The following EHMT1 variants were observed in gnomAD, a reference collection of about 807,000 sequenced individuals.
The protein encoded by EHMT1 is histone-lysine N-methyltransferase EHMT1.
A neutral mutation model predicts 147.2 loss-of-function variants in EHMT1; 15 were observed. The ratio of observed to expected loss-of-function variants is 0.10; its 90% confidence interval spans 0.07 to 0.16. The LOEUF is 0.16. EHMT1 is among the 10% of genes least tolerant of loss of function. The probability of loss-of-function intolerance (pLI) is 1.00; values close to 1 mark genes in which losing one functional copy is unlikely to be tolerated. For missense variants in EHMT1, 1,587 were observed against 1,772.4 expected (o/e 0.90, Z 1.88); for synonymous variants, 795 against 709.6 (o/e 1.12, Z -1.91).
intron 1 of EHMT1, among the ~76,000 whole-genome samples, chr9:137,687,956 C>T (rs943654633): frequency 3.9e-5 from 6 of 152,216 alleles, no homozygotes; most frequent in African/African-American, 1.4e-4. Context: ...TTTCTTTCAA[C>T]TATGTTTTGT....
chr9:137,652,328 C>A, intron 1 of EHMT1, among the ~76,000 whole-genome samples: 1 of 152,188 alleles, frequency 6.6e-6, no homozygotes, highest in African/African-American at 2.4e-5. Flanking sequence ...CATCCTCCTG[C>A]CTTGGCCTCC....
At chr9:137,664,068 A>C (rs1308635055) in intron 1 of EHMT1, among the ~76,000 whole-genome samples, 1 of 152,066 alleles carries the variant, frequency 6.6e-6, no homozygotes, top group Non-Finnish European at 1.5e-5. Flanking sequence ...ACCAAGAGGT[A>C]TGTACTTTTT....
At chr9:137,761,800 T>A (rs1949844469) in intron 9 of EHMT1, among the ~76,000 whole-genome samples, 1 of 152,226 alleles carries the variant, frequency 6.6e-6, no homozygotes, top group Admixed American at 6.5e-5. Flanking sequence ...AGTGAGTATT[T>A]GAGACAATGA....
intron 1 of EHMT1, among the ~76,000 whole-genome samples, chr9:137,686,584 T>G (rs906338090): frequency 6.6e-6 from 1 of 151,734 alleles, no homozygotes; most frequent in African/African-American, 2.4e-5. Context: ...GAGACCAGGG[T>G]TTGCCATGTT....
chr9:137,622,269 C>T (rs1198049237), intron 1 of EHMT1, among the ~76,000 whole-genome samples: 1 of 152,022 alleles, frequency 6.6e-6, no homozygotes, highest in East Asian at 1.9e-4. Context: ...CAGGCGCCTG[C>T]CACCACACCT....
At chr9:137,727,480 A>G (rs1417278310) in intron 3 of EHMT1, among the ~76,000 whole-genome samples, 1 of 152,144 alleles carries the variant, frequency 6.6e-6, no homozygotes, top group Non-Finnish European at 1.5e-5. Flanking sequence ...TGGTTTAGAA[A>G]AGGGTCCAGC....
chr9:137,635,829 C>A (rs780262993), intron 1 of EHMT1, among the ~76,000 whole-genome samples: 1 of 151,348 alleles, frequency 6.6e-6, no homozygotes, highest in African/African-American at 2.4e-5. Flanking sequence ...AAAAACAAAA[C>A]AAAACAAAAA....
At chr9:137,754,386 T>C in intron 8 of EHMT1, 95 bp downstream of exon 8, 1 of 1,534,770 alleles carries the variant, frequency 6.5e-7, no homozygotes, top group Non-Finnish European at 8.9e-7. Flanking sequence ...AGGATTTCAT[T>C]AGAAAAGAGG....
At chr9:137,704,411 A>G (rs1944082764) in intron 1 of EHMT1, among the ~76,000 whole-genome samples, 1 of 152,206 alleles carries the variant, frequency 6.6e-6, no homozygotes, top group South Asian at 2.1e-4. Context: ...CCCTGGTTGT[A>G]GATTGAGGAT....
chr9:137,667,896 C>T (rs1939859660), intron 1 of EHMT1, among the ~76,000 whole-genome samples: 1 of 151,956 alleles, frequency 6.6e-6, no homozygotes. Context: ...TCGTGGAATC[C>T]AGAAAAGAGC....
At chr9:137,697,546 T>C (rs1943492090) in intron 1 of EHMT1, among the ~76,000 whole-genome samples, 1 of 152,230 alleles carries the variant, frequency 6.6e-6, no homozygotes, top group East Asian at 1.9e-4. Context: ...AGATTTTTCT[T>C]TTAGCCTCAT....
chr9:137,629,132 G>T (rs1843451462), intron 1 of EHMT1, among the ~76,000 whole-genome samples: 2 of 140,794 alleles, frequency 1.4e-5, no homozygotes, highest in Non-Finnish European at 3.0e-5. Context: ...CGCTCTCGTT[G>T]CCCAGGCTGG....
Position 137,817,764 on chromosome 9 carries a change from G to C in EHMT1, c.3461+239G>C, listed in dbSNP as rs924567144. 3 of 634,350 alleles carry C rather than the reference G, an allele frequency of 4.7e-6. No homozygotes were observed. The African/African-American group carries it at 5.5e-5, about 12-fold the overall frequency. 39.3% of individuals were successfully genotyped at this position (634,350 alleles called of 1,614,324 possible). A position where few individuals can be genotyped will look rare whatever the true frequency, so the allele number is the denominator to read the frequency against. ...AAGAAGGCGTGGTCCAGTTAGGAAGGCGTGGTCCAGTTAGGAAGGCGTGGT... is the reference window on the plus strand; with the variant it reads ...AAGAAGGCGTGGTCCAGTTAGGAAGCCGTGGTCCAGTTAGGAAGGCGTGGT... On this transcript the variant is annotated intron_variant, in intron 24 of 26. Transcript: ENST00000460843.
intron 2 of EHMT1, among the ~76,000 whole-genome samples, chr9:137,716,419 T>G (rs3125773): frequency 9.4e-4 from 11 of 11,672 alleles, no homozygotes; most frequent in South Asian, 2.9e-3. Context: ...GGAAGTTGTG[T>G]TGGTGTCATG....
chr9:137,746,838 T>C (rs1187058020), intron 6 of EHMT1: 1 of 152,224 alleles, frequency 6.6e-6, no homozygotes, highest in Non-Finnish European at 1.5e-5. Context: ...GATTCTCTCT[T>C]TCGATTGAGG....
chr9:137,687,284 GT>G (rs138681517), intron 1 of EHMT1, among the ~76,000 whole-genome samples: 1 of 152,130 alleles, frequency 6.6e-6, no homozygotes, highest in African/African-American at 2.4e-5. Context: ...TTTTCCAATT[GT>G]TTTGGCTCTC....
intron 7 of EHMT1, among the ~76,000 whole-genome samples, chr9:137,752,850 C>T (rs1029523694): frequency 6.6e-6 from 1 of 151,944 alleles, no homozygotes; most frequent in East Asian, 1.9e-4. Flanking sequence ...TTTGGGATTC[C>T]GCTGCATCGG....
At chr9:137,627,093 G>A (rs564962417) in intron 1 of EHMT1, among the ~76,000 whole-genome samples, 21 of 152,114 alleles carry the variant, frequency 1.4e-4, no homozygotes, top group African/African-American at 5.1e-4. Context: ...CTAGTAGCTG[G>A]GATTATAGGC....
At chr9:137,662,952 C>G (rs955418371) in intron 1 of EHMT1, among the ~76,000 whole-genome samples, 3 of 151,784 alleles carry the variant, frequency 2.0e-5, no homozygotes, top group African/African-American at 7.3e-5. Flanking sequence ...CGCCACCATG[C>G]CCGGCTAATT....
Sources: allele counts gnomAD v4.1 joint callset (sites outside exome capture counted in the v4.1 genomes callset), GRCh38; gene constraint gnomAD v4.1.1; transcripts MANE v1.5; gene names NCBI Gene and HGNC (gene_info 2026-07-23, HGNC 2026-07-21).